The following STON1 variants were observed in gnomAD, a reference collection of about 807,000 sequenced individuals.
STON1 encodes stonin-1.
A neutral mutation model predicts 60.9 loss-of-function variants in STON1; 79 were observed. The ratio of observed to expected loss-of-function variants is 1.30; its 90% CI spans 1.08 to 1.56. The LOEUF is 1.56. Ranked by LOEUF, STON1 falls within the 40% of genes most tolerant of loss-of-function variation. The probability of loss-of-function intolerance (pLI) is 0.00; values close to 1 mark genes in which losing one functional copy is unlikely to be tolerated. For missense variants in STON1, 1,166 were observed against 858.9 expected, an observed-to-expected ratio of 1.36 and a Z score of -4.47; for synonymous variants, 363 against 306.9, an observed-to-expected ratio of 1.18 and a Z score of -1.91.
chr2:48,576,350 C>A (rs190025425), intron 1 of STON1, among the ~76,000 whole-genome samples: 2 of 151,618 alleles, frequency 1.3e-5, no homozygotes, highest in Admixed American at 1.3e-4. Context: ...CCACCACACC[C>A]AGCTAATTTT....
chr2:48,565,119 C>A lies in STON1; in HGVS notation c.-47-15468C>A, dbSNP rs562876672. Among the ~76,000 whole-genome samples, 21 of 139,376 alleles carry A rather than the reference C, an allele frequency of 1.5e-4. No individual in the cohort carries two copies. In the South Asian group the frequency reaches 4.4e-3, roughly 29 times the overall value. The allele number at this position is 139,376 out of a possible 152,430, so 91.4% of individuals were successfully genotyped here. A position where few individuals can be genotyped will look rare whatever the true frequency, so the allele number is the denominator to read the frequency against. ...CCAGGCTGGAGTGCAGTGGTGTGAT[C>A]TCTGCTCACTGCAAGCTCCGCCTCC... On this transcript the variant is annotated intron_variant, in intron 1 of 3. Coordinates refer to ENST00000404752, the MANE Select transcript of STON1 (RefSeq NM_006873.4).
In STON1 at chr2:48,539,822, C is replaced by G. The variant is rs60578339; in HGVS notation, c.-48+9606C>G. 0.017 allele frequency among the ~76,000 whole-genome samples: 2,633 copies of G among 152,052 alleles called. 129 individuals carry two copies. In the East Asian group the frequency reaches 0.19, roughly 11 times the overall value. Reference sequence around the variant, plus strand: ...ACGCCTGATTTCAAATTTTATAGGCCACTCATTTTCTACTCTTTGCCCAAG... The same window carrying G: ...ACGCCTGATTTCAAATTTTATAGGCGACTCATTTTCTACTCTTTGCCCAAG... On this transcript the variant is annotated intron_variant, in intron 1 of 3. Coordinates refer to ENST00000404752, the MANE Select transcript of STON1 (RefSeq NM_006873.4).
chr2:48,533,386 G>GA (rs1281723397), intron 1 of STON1, among the ~76,000 whole-genome samples: 2 of 149,030 alleles, frequency 1.3e-5, no homozygotes, highest in Non-Finnish European at 3.0e-5. Context: ...TCTCAGAAAA[G>GA]AAAAGAAAAA....
intron 1 of STON1, among the ~76,000 whole-genome samples, chr2:48,550,548 G>GATATATATGTGTGTGTATATATATATTAT (rs1672059564): frequency 6.8e-6 from 1 of 147,820 alleles, no homozygotes; most frequent in Non-Finnish European, 1.5e-5. Context: ...TTCTTATGAG[G>GATATATATGTGTGTGTATATATATATTAT]ATATATATGT....
At chr2:48,579,239 A>G (rs915687159) in intron 1 of STON1, among the ~76,000 whole-genome samples, 2 of 151,762 alleles carry the variant, frequency 1.3e-5, no homozygotes, top group South Asian at 4.2e-4. Context: ...TCCTGACCTC[A>G]GGTGATCTGC....
intron 2 of STON1, among the ~76,000 whole-genome samples, chr2:48,588,783 G>C (rs944945880): frequency 6.6e-6 from 1 of 152,086 alleles, no homozygotes; most frequent in Non-Finnish European, 1.5e-5. Context: ...TTCTGGAAAG[G>C]TGGGGAGGGC....
chr2:48,593,166 A>G (rs1482056792), intron 3 of STON1, among the ~76,000 whole-genome samples: 1 of 152,098 alleles, frequency 6.6e-6, no homozygotes, highest in Non-Finnish European at 1.5e-5. Flanking sequence ...CCCAGGTTGG[A>G]GTGCAGTGGC....
chr2:48,535,042 G>T (rs895139348), intron 1 of STON1, among the ~76,000 whole-genome samples: 1 of 152,114 alleles, frequency 6.6e-6, no homozygotes, highest in Non-Finnish European at 1.5e-5. Flanking sequence ...TCAGTACAGG[G>T]CAAGATTTTT....
intron 3 of STON1, 51 bp from the exon 4 acceptor site, chr2:48,595,177 G>C (rs752748209): frequency 1.4e-6 from 2 of 1,397,246 alleles, no homozygotes; most frequent in Non-Finnish European, 2.0e-6. Context: ...AGAGGTGTGA[G>C]TGCTGTGTTG....
At position 48,581,726 on chromosome 2, in the gene STON1, G is replaced by A; in HGVS notation, c.1093G>A (p.Glu365Lys). The A allele has an allele frequency of 2.5e-6, 4 of 1,611,574 alleles. No homozygotes were observed. The highest frequency in any genetic ancestry group is 3.4e-6 in the Non-Finnish European group (4 of 1,179,382). Residue 365 changes from glutamate to lysine, a missense_variant, in exon 2 of 4, where the codon GAA becomes AAA. By Grantham distance (56) the Glu-to-Lys change is moderately conservative. Coordinates refer to ENST00000404752, the MANE Select transcript of STON1 (RefSeq NM_006873.4). The part of the protein sequence containing the change: ...TEKRKYHSKT[E>K]VVHEPDIEQM... ...AAAAAGGAAATACCATTCTAAGACA[G>A]AAGTAGTTCATGAACCTGACATAGA...
chr2:48,555,409 C>T lies in STON1; in HGVS notation c.-47-25178C>T, dbSNP rs1672298964. Among the ~76,000 whole-genome samples the T allele has an allele frequency of 2.9e-5, 2 of 69,748 alleles. 1 individual carries two copies. Among genetic ancestry groups the T allele is most frequent in the Non-Finnish European group, 6.2e-5 (2 of 32,114 alleles). The allele number at this position is 69,748 out of a possible 152,430, so 45.8% of individuals were successfully genotyped here. ...CAGTAGGGGCGGCCGGGCAGAGGCGCCCCTCACCTACCGGACGGGGCCACT... is the reference window on the plus strand; with the variant it reads ...CAGTAGGGGCGGCCGGGCAGAGGCGTCCCTCACCTACCGGACGGGGCCACT... On this transcript the variant is annotated intron_variant, in intron 1 of 3. Coordinates refer to ENST00000404752, the MANE Select transcript of STON1 (RefSeq NM_006873.4).
chr2:48,576,995 C>T (rs1377373596), intron 1 of STON1, among the ~76,000 whole-genome samples: 3 of 150,346 alleles, frequency 2.0e-5, no homozygotes, highest in East Asian at 4.0e-4. Context: ...TGGAGCTTGC[C>T]GTGAGCCAAG....
intron 2 of STON1, among the ~76,000 whole-genome samples, chr2:48,586,849 GT>G (rs1023729755): frequency 2.6e-5 from 4 of 152,186 alleles, no homozygotes; most frequent in Non-Finnish European, 5.9e-5. Context: ...AGCAAAGGCA[GT>G]GGCAGAGAGA....
At position 48,558,985 on chromosome 2, in the gene STON1, A is replaced by G. The variant is rs78494942; in HGVS notation, c.-47-21602A>G. ...TTTTCGAATGCTGACCTGAGGCTGA[A>G]AGGAAATACTCATTGGAGCATTTCA... On this transcript the variant is annotated intron_variant, in intron 1 of 3. Transcript: ENST00000404752. 7.7e-3 allele frequency among the ~76,000 whole-genome samples: 1,168 copies of G among 152,328 alleles called. 13 individuals are homozygous for G. The highest frequency in any genetic ancestry group is 0.027 in the African/African-American group (1,135 of 41,568).
chr2:48,578,392 T>G (rs1389380205), intron 1 of STON1, among the ~76,000 whole-genome samples: 1 of 152,182 alleles, frequency 6.6e-6, no homozygotes, highest in African/African-American at 2.4e-5. Flanking sequence ...TAACACAAAT[T>G]TGTAAACTTT....
Position 48,564,648 on chromosome 2 carries a change from CTTCTTCTTCTTT to C in STON1, c.-47-15938_-47-15927del, listed in dbSNP as rs148004447. ...TCTCCTTCTCTTTCTCCTTCTCCTT[CTTCTTCTTCTTT>C]CTTATTTCTTCTTCTTCTTCTTCCT... On this transcript the variant is annotated intron_variant, in intron 1 of 3. Transcript: ENST00000404752. Among the ~76,000 whole-genome samples the C allele has an allele frequency of 2.2e-3, 232 of 105,770 alleles. 16 individuals are homozygous for C. The highest frequency in any genetic ancestry group is 4.2e-3 in the Middle Eastern group (1 of 238). 69.4% of individuals were successfully genotyped at this position (105,770 alleles called of 152,430 possible).
chr2:48,557,308 G>A (rs1363992595), intron 1 of STON1, among the ~76,000 whole-genome samples: 2 of 85,152 alleles, frequency 2.3e-5, no homozygotes, highest in Non-Finnish European at 5.0e-5. Flanking sequence ...GGTCTCGGCC[G>A]GGCAGAGGCG....
chr2:48,567,770 C>T (rs1312724127), intron 1 of STON1, among the ~76,000 whole-genome samples: 1 of 152,188 alleles, frequency 6.6e-6, no homozygotes, highest in Non-Finnish European at 1.5e-5. Flanking sequence ...CATGTTAACA[C>T]ACTGGCCTGT....
At chr2:48,591,589 T>G (rs1674515132) in intron 2 of STON1, 64 bp from the exon 3 acceptor site, 1 of 1,576,244 alleles carries the variant, frequency 6.3e-7, no homozygotes, top group South Asian at 1.2e-5. Context: ...GTGCCTTTTA[T>G]GTTCAAGAGA....
Sources: gnomAD v4.1 joint callset for allele counts (sites outside exome capture counted in the v4.1 genomes callset) on GRCh38, gnomAD v4.1.1 for gene constraint, MANE v1.5 for transcripts, NCBI Gene and HGNC (gene_info 2026-07-23, HGNC 2026-07-21) for gene names.